NDUFA8: variants seen among roughly 807,000 people sequenced by gnomAD.
The protein encoded by NDUFA8 is NADH dehydrogenase [ubiquinone] 1 alpha subcomplex subunit 8.
In NDUFA8, 16 loss-of-function variants were observed where a neutral mutation model predicts 20.9. That is an observed-to-expected ratio of 0.77 (90% CI 0.52 to 1.16). The LOEUF is 1.16. Ranked by LOEUF, NDUFA8 falls within the 50% of genes most tolerant of loss-of-function variation. The pLI, the probability that NDUFA8 is intolerant of heterozygous loss-of-function variation, is 0.00. For synonymous variants in NDUFA8, 70 were observed against 76.1 expected (o/e 0.92, Z 0.41); for missense variants, 202 against 216.4 (o/e 0.93, Z 0.42).
chr9:122,142,663 A>G (rs745974330), downstream of NDUFA8, among the ~76,000 whole-genome samples: 1 of 152,374 alleles, frequency 6.6e-6, no homozygotes, highest in Admixed American at 6.5e-5. Context: ...TGTAAAATGA[A>G]TATGACCTGT....
At position 122,155,327 on chromosome 9, in the gene NDUFA8, C is replaced by A. The variant is rs191365857; in HGVS notation, c.52-2919G>T. On this transcript the variant is annotated intron_variant, in intron 1 of 3. Coordinates refer to ENST00000373768, the MANE Select transcript of NDUFA8 (RefSeq NM_014222.3). ...CTCCTGACCTCAGATGATCCTCCCG[C>A]CTCAGCCTCCCAAAGTGCTGGGATT... Among the ~76,000 whole-genome samples, 506 of 152,354 alleles carry A rather than the reference C, an allele frequency of 3.3e-3. 2 individuals carry two copies. The highest frequency in any genetic ancestry group is 0.02 in the Middle Eastern group (6 of 294).
At chr9:122,142,664 T>C (rs1828840346), downstream of NDUFA8, among the ~76,000 whole-genome samples, 1 of 152,206 alleles carries the variant, frequency 6.6e-6, no homozygotes. Flanking sequence ...GTAAAATGAA[T>C]ATGACCTGTA....
At chr9:122,148,368 T>G in intron 2 of NDUFA8, 91 bp from the exon 3 acceptor site, 2 of 1,427,814 alleles carry the variant, frequency 1.4e-6, no homozygotes, top group Non-Finnish European at 2.0e-6. Context: ...CTCAAATACA[T>G]AGCCTTGCTT....
At chr9:122,154,375 T>C in intron 1 of NDUFA8, among the ~76,000 whole-genome samples, 1 of 152,250 alleles carries the variant, frequency 6.6e-6, no homozygotes, top group East Asian at 1.9e-4. Flanking sequence ...CATATTCAAG[T>C]CATTCTTGTC....
At chr9:122,143,028 C>T (rs1828844616), downstream of NDUFA8, among the ~76,000 whole-genome samples, 1 of 152,226 alleles carries the variant, frequency 6.6e-6, no homozygotes, top group Admixed American at 6.5e-5. Context: ...ATCCAAAATG[C>T]TTCCGGATGT....
chr9:122,135,053 C>T, the NDUFA8 span, among the ~76,000 whole-genome samples: 4 of 152,186 alleles, frequency 2.6e-5, no homozygotes, highest in African/African-American at 9.7e-5. Context: ...ACCAATTAGC[C>T]CAAGGCTGAC....
In NDUFA8 at chr9:122,144,113, A is replaced by G. The variant is rs1027495096; in HGVS notation, c.*128T>C. The G allele has an allele frequency of 2.1e-5, 33 of 1,553,642 alleles. No individual in the cohort carries two copies. Among genetic ancestry groups the G allele is most frequent in the Non-Finnish European group, 2.7e-5 (31 of 1,149,354 alleles). On this transcript the variant is annotated 3_prime_UTR_variant, in exon 4 of 4. Coordinates refer to ENST00000373768, the MANE Select transcript of NDUFA8 (RefSeq NM_014222.3). ...TGGTATAGAATAACTGCCAAGTCACATAAGTTAACTTTTTTGTTAATGTTT... is the reference window on the plus strand; with the variant it reads ...TGGTATAGAATAACTGCCAAGTCACGTAAGTTAACTTTTTTGTTAATGTTT...
chr9:122,139,149 G>C (rs1214072124), downstream of NDUFA8, among the ~76,000 whole-genome samples: 1 of 152,202 alleles, frequency 6.6e-6, no homozygotes, highest in South Asian at 2.1e-4. Flanking sequence ...CCAGGCAGAC[G>C]AGTTTCCTCT....
chr9:122,141,547 A>T (rs1330282267), downstream of NDUFA8, among the ~76,000 whole-genome samples: 2 of 152,200 alleles, frequency 1.3e-5, no homozygotes, highest in East Asian at 3.8e-4. Context: ...GGGAGGATGG[A>T]GACACCATTA....
chr9:122,135,468 T>C, the NDUFA8 span, among the ~76,000 whole-genome samples: 1 of 152,138 alleles, frequency 6.6e-6, no homozygotes, highest in Non-Finnish European at 1.5e-5. Flanking sequence ...GACACTTCAC[T>C]CTCCATATTC....
chr9:122,139,355 C>G (rs1271974769), downstream of NDUFA8, among the ~76,000 whole-genome samples: 2 of 152,190 alleles, frequency 1.3e-5, no homozygotes, highest in African/African-American at 4.8e-5. Context: ...TCCCTCACCC[C>G]CTAGCTAGTC....
At chr9:122,142,910 G>A (rs528867708), downstream of NDUFA8, among the ~76,000 whole-genome samples, 1 of 152,190 alleles carries the variant, frequency 6.6e-6, no homozygotes, top group African/African-American at 2.4e-5. Context: ...TTTTGCCTCA[G>A]CTATTGAAAA....
At chr9:122,140,609 T>C (rs1410510781), downstream of NDUFA8, among the ~76,000 whole-genome samples, 1 of 152,118 alleles carries the variant, frequency 6.6e-6, no homozygotes, top group Non-Finnish European at 1.5e-5. Context: ...GATATAGAAA[T>C]AGAAATAAGA....
At chr9:122,147,617 A>ATTTTTTTTTTTTTTTTTTTTTTTTTTT (rs34576446) in intron 3 of NDUFA8, among the ~76,000 whole-genome samples, 1 of 106,762 alleles carries the variant, frequency 9.4e-6, no homozygotes, top group African/African-American at 3.8e-5. Flanking sequence ...GCCTAAAGAA[A>ATTTTTTTTTTTTTTTTTTTTTTTTTTT]TTTTTTTTTT....
the NDUFA8 span, among the ~76,000 whole-genome samples, chr9:122,133,365 G>A: frequency 6.6e-6 from 1 of 152,306 alleles, no homozygotes; most frequent in Admixed American, 6.5e-5. Context: ...CTTAGACTCA[G>A]AAGTACAGAG....
At chr9:122,146,685 T>A (rs1828909332) in intron 3 of NDUFA8, among the ~76,000 whole-genome samples, 1 of 152,200 alleles carries the variant, frequency 6.6e-6, no homozygotes, top group Non-Finnish European at 1.5e-5. Context: ...CTGCTTGAGC[T>A]CAGGATCTCA....
intron 1 of NDUFA8, 127 bp downstream of exon 1, chr9:122,159,500 T>C (rs529305520): frequency 2.6e-6 from 3 of 1,141,888 alleles, no homozygotes; most frequent in South Asian, 1.2e-5. Flanking sequence ...GGTCGACCTG[T>C]ATATGCGTTG....
At chr9:122,152,202 T>C (rs775087775) in intron 2 of NDUFA8, 43 bp downstream of exon 2, 4 of 1,611,594 alleles carry the variant, frequency 2.5e-6, no homozygotes, top group Admixed American at 3.3e-5. Flanking sequence ...CATTTAAACC[T>C]TTATGCTTCA....
chr9:122,158,404 C>G (rs117570956), intron 1 of NDUFA8, among the ~76,000 whole-genome samples: 1 of 152,034 alleles, frequency 6.6e-6, no homozygotes, highest in South Asian at 2.1e-4. Flanking sequence ...CCTCTCCAGG[C>G]TCAGCACCTG....
Sources: allele counts gnomAD v4.1 joint callset (sites outside exome capture counted in the v4.1 genomes callset), GRCh38; gene constraint gnomAD v4.1.1; transcripts MANE v1.5; gene names NCBI Gene and HGNC (gene_info 2026-07-23, HGNC 2026-07-21).